The following TG variants were observed in gnomAD, a reference collection of about 807,000 sequenced individuals.
The protein encoded by TG is thyroglobulin.
TG carries 270 observed loss-of-function variants against 324.7 expected under a neutral mutation model. The observed-to-expected ratio is 0.83, with a 90% CI of 0.75 to 0.92. TG has a LOEUF of 0.92. TG is among the 40% of genes least tolerant of loss of function. TG has a pLI of 0.00. For synonymous variants in TG, 1,401 were observed against 1,327.0 expected (o/e 1.06, Z -1.21); for missense variants, 3,591 against 3,456.4 (o/e 1.04, Z -0.98).
At chr8:132,898,360 TC>T in intron 13 of TG, 114 bp downstream of exon 13, 2 of 1,051,728 alleles carry the variant, frequency 1.9e-6, no homozygotes, top group Non-Finnish European at 1.4e-6. Flanking sequence ...TTCAGCCAGG[TC>T]CCGGGTGCAG....
intron 3 of TG, among the ~76,000 whole-genome samples, chr8:132,870,353 G>C (rs1184008088): frequency 6.8e-6 from 1 of 147,808 alleles, no homozygotes; most frequent in East Asian, 2.0e-4. Flanking sequence ...GCTCTGTTTG[G>C]GGTACTGGTT....
intron 25 of TG, among the ~76,000 whole-genome samples, chr8:132,940,640 A>C (rs570495367): frequency 1.1e-4 from 16 of 152,320 alleles, no homozygotes; most frequent in African/African-American, 3.6e-4. Flanking sequence ...AGTTATGGAG[A>C]CAAGGGCTGC....
At chr8:132,972,767 T>C in intron 34 of TG, 26 bp downstream of exon 34, 1 of 1,613,922 alleles carries the variant, frequency 6.2e-7, no homozygotes, top group Non-Finnish European at 8.5e-7. Context: ...ATGACAGCTA[T>C]ATGGACGTCT....
intron 41 of TG, among the ~76,000 whole-genome samples, chr8:133,085,604 G>T (rs577441810): frequency 1.3e-5 from 2 of 152,230 alleles, no homozygotes; most frequent in South Asian, 4.1e-4. Context: ...CATAGCAAAA[G>T]ATTCTTAACA....
intron 41 of TG, chr8:133,049,309 T>A (rs1840002905): frequency 2.7e-6 from 1 of 377,352 alleles, no homozygotes; most frequent in African/African-American, 2.1e-5. Context: ...GGATTCTGTG[T>A]GTTTCTGGAT....
intron 22 of TG, among the ~76,000 whole-genome samples, chr8:132,926,420 C>T (rs1010892988): frequency 2.0e-5 from 3 of 152,214 alleles, no homozygotes; most frequent in African/African-American, 2.4e-5. Context: ...CTTCATTGCT[C>T]TTGGGATAAA....
At chr8:133,051,781 G>A (rs187756377) in intron 41 of TG, among the ~76,000 whole-genome samples, 1 of 152,192 alleles carries the variant, frequency 6.6e-6, no homozygotes, top group Admixed American at 6.5e-5. Flanking sequence ...TACATTTTTG[G>A]GGGAAATAAC....
At chr8:132,969,860 G>T (rs564966567) in intron 32 of TG, among the ~76,000 whole-genome samples, 115 of 141,294 alleles carry the variant, frequency 8.1e-4, no homozygotes, top group African/African-American at 2.4e-3. Flanking sequence ...GTTGCAGTGA[G>T]CTGAGATTGC....
chr8:133,073,607 C>G (rs1346683235), intron 41 of TG, among the ~76,000 whole-genome samples: 2 of 152,140 alleles, frequency 1.3e-5, no homozygotes, highest in African/African-American at 4.8e-5. Context: ...CTGGGCTTAC[C>G]TCTCCACTTT....
intron 27 of TG, among the ~76,000 whole-genome samples, chr8:132,950,398 T>C (rs1209462400): frequency 6.6e-6 from 1 of 152,178 alleles, no homozygotes; most frequent in African/African-American, 2.4e-5. Flanking sequence ...CTGCAGGAAG[T>C]GGTCTCCCAA....
chr8:133,070,001 CAAAAAAAAAAAAAAA>C (rs71299047), intron 41 of TG, among the ~76,000 whole-genome samples: 1 of 46,318 alleles, frequency 2.2e-5, no homozygotes, highest in Non-Finnish European at 3.4e-5. Context: ...GCTCCAGCTC[CAAAAAAAAAAAAAAA>C]AAAAAAAAAA....
intron 41 of TG, among the ~76,000 whole-genome samples, chr8:133,040,546 C>T (rs1202960919): frequency 6.6e-6 from 1 of 152,204 alleles, no homozygotes; most frequent in East Asian, 1.9e-4. Context: ...ATGCCCAATC[C>T]ATTAACCTCA....
intron 5 of TG, among the ~76,000 whole-genome samples, chr8:132,879,154 T>C (rs1401154789): frequency 6.6e-6 from 1 of 152,240 alleles, no homozygotes; most frequent in African/African-American, 2.4e-5. Flanking sequence ...TAGATGGTGA[T>C]ATCATTTCAG....
chr8:133,095,071 G>A lies in TG; in HGVS notation c.7267G>A (p.Val2423Ile), dbSNP rs114811758. Residue 2423 changes from valine to isoleucine, a missense_variant, in exon 42 of 48, where the codon GTC becomes ATC. Val to Ile is a conservative substitution (Grantham distance 29, BLOSUM62 3). Transcript: ENST00000220616. ...AGGCTCCGCACTCTCCCCGGCCGCCGTCATCAGCCATGAGAGGGCTCAGCA... is the reference window on the plus strand; with the variant it reads ...AGGCTCCGCACTCTCCCCGGCCGCCATCATCAGCCATGAGAGGGCTCAGCA... ...MGGSALSPAA[V>I]ISHERAQQQA... The A allele has an allele frequency of 1.6e-4, 256 of 1,614,030 alleles. 1 individual carries two copies. The highest frequency in any genetic ancestry group is 1.4e-3 in the South Asian group (126 of 91,078).
chr8:133,047,721 A>G, intron 41 of TG: 1 of 751,256 alleles, frequency 1.3e-6, no homozygotes, highest in East Asian at 2.5e-5. Flanking sequence ...CATTGGATCA[A>G]TTTGCATGGA....
rs1311635607 is a variant in TG, at chr8:132,881,858, C to T, written c.639-5C>T. On this transcript the variant is annotated splice_region_variant and splice_polypyrimidine_tract_variant and intron_variant, in intron 5 of 47. Coordinates refer to ENST00000220616, the MANE Select transcript of TG (RefSeq NM_003235.5). The stretch of plus-strand genomic sequence containing the variant: ...ATGGTGACCGTAAATCTCATTCTCT[C>T]CAAGGTTTCCAGATGCATTTGTGAC... 1.2e-6 allele frequency: 2 copies of T among 1,604,150 alleles called. No individual in the cohort carries two copies. Among genetic ancestry groups the T allele is most frequent in the South Asian group, 2.2e-5 (2 of 90,840 alleles).
In TG at chr8:132,966,595, A is replaced by T. The variant is rs1828600650; in HGVS notation, c.5584A>T (p.Asn1862Tyr). The change falls in exon 30 of 48, where the codon AAC becomes TAC. Residue 1862 changes from asparagine to tyrosine, a missense_variant. Physicochemically the swap from Asn to Tyr is moderately radical, Grantham distance 143. Transcript: ENST00000220616. ...TTELFSPVDL[N>Y]QVIVNGNQSL... is the part of the protein sequence containing the mutation. ...AGAACTTTTCTCCCCTGTGGACCTC[A>T]ACCAGGTCATTGTCAATGGAAATCA... The T allele has an allele frequency of 6.2e-7, 1 of 1,613,972 alleles. No homozygotes were observed. Among genetic ancestry groups the T allele is most frequent in the Admixed American group, 1.7e-5 (1 of 59,994 alleles).
At chr8:133,018,460 G>A (rs541288201) in intron 38 of TG, among the ~76,000 whole-genome samples, 1 of 152,132 alleles carries the variant, frequency 6.6e-6, no homozygotes, top group African/African-American at 2.4e-5. Flanking sequence ...TAATGAAGCT[G>A]GGAGACACAG....
intron 40 of TG, among the ~76,000 whole-genome samples, 171 bp from the exon 41 acceptor site, chr8:133,029,650 T>C (rs973192117): frequency 6.6e-6 from 1 of 152,254 alleles, no homozygotes. Flanking sequence ...TCAAGGCCCA[T>C]GCTCCTCCAC....
Sources: allele counts gnomAD v4.1 joint callset (sites outside exome capture counted in the v4.1 genomes callset), GRCh38; gene constraint gnomAD v4.1.1; transcripts MANE v1.5; gene names NCBI Gene and HGNC (gene_info 2026-07-23, HGNC 2026-07-21).